LRRIQ3: variants seen among roughly 807,000 people sequenced by gnomAD.
LRRIQ3 encodes the protein leucine rich repeats and IQ motif containing 3.
Under a neutral mutation model 59.3 loss-of-function variants are expected in LRRIQ3, and 75 were observed. The ratio of observed to expected loss-of-function variants is 1.26; its 90% confidence interval spans 1.05 to 1.53. LRRIQ3 has a LOEUF of 1.53. Ranked by LOEUF, LRRIQ3 falls within the 40% of genes most tolerant of loss-of-function variation. The pLI is 0.00. For synonymous variants in LRRIQ3, 250 were observed against 231.3 expected, an observed-to-expected ratio of 1.08 and a Z score of -0.73; for missense variants, 831 against 710.0, an observed-to-expected ratio of 1.17 and a Z score of -1.94.
chr1:74,057,901 A>G (rs1229616679), intron 6 of LRRIQ3, among the ~76,000 whole-genome samples: 1 of 152,134 alleles, frequency 6.6e-6, no homozygotes, highest in Non-Finnish European at 1.5e-5. Context: ...CAACTAAAAA[A>G]TAGTCAAAAT....
At chr1:74,073,237 G>C (rs1024149266) in intron 6 of LRRIQ3, among the ~76,000 whole-genome samples, 2 of 152,042 alleles carry the variant, frequency 1.3e-5, no homozygotes, top group Non-Finnish European at 2.9e-5. Context: ...TTTTGGCCAG[G>C]CAAGGTGGCT....
chr1:74,096,379 A>G (rs138312022), intron 5 of LRRIQ3, among the ~76,000 whole-genome samples: 26 of 152,290 alleles, frequency 1.7e-4, no homozygotes, highest in African/African-American at 5.8e-4. Context: ...GAGAACCACT[A>G]TTATACAGAA....
intron 7 of LRRIQ3, among the ~76,000 whole-genome samples, chr1:74,029,086 G>C (rs1653611720): frequency 6.6e-6 from 1 of 152,090 alleles, no homozygotes; most frequent in South Asian, 2.1e-4. Flanking sequence ...CTTTGCTGAA[G>C]TTGCTTATCA....
chr1:74,060,359 C>T (rs1654687233), intron 6 of LRRIQ3, among the ~76,000 whole-genome samples: 1 of 150,870 alleles, frequency 6.6e-6, no homozygotes, highest in Non-Finnish European at 1.5e-5. Flanking sequence ...TCTTCTTCTT[C>T]CTCCTCCTCC....
chr1:74,053,177 C>CAAAAA (rs11403724), intron 6 of LRRIQ3, among the ~76,000 whole-genome samples: 4 of 100,964 alleles, frequency 4.0e-5, no homozygotes, highest in Non-Finnish European at 5.4e-5. Context: ...CTCCACATGC[C>CAAAAA]AAAAAAAAAA....
intron 6 of LRRIQ3, 121 bp from the exon 7 acceptor site, chr1:74,042,054 T>G: frequency 9.9e-7 from 1 of 1,007,622 alleles, no homozygotes; most frequent in Non-Finnish European, 1.3e-6. Context: ...GAAGAATTTT[T>G]CCCAAGTACC....
intron 6 of LRRIQ3, among the ~76,000 whole-genome samples, chr1:74,047,637 T>C (rs186891064): frequency 5.3e-5 from 8 of 152,134 alleles, no homozygotes; most frequent in African/African-American, 1.7e-4. Flanking sequence ...TCCTTCACCC[T>C]CTACCATCTG....
intron 4 of LRRIQ3, among the ~76,000 whole-genome samples, chr1:74,132,149 A>G (rs1447629472): frequency 2.0e-5 from 3 of 152,154 alleles, no homozygotes; most frequent in Admixed American, 1.3e-4. Flanking sequence ...TAAAATACCT[A>G]GGAATCCAAC....
At chr1:74,152,400 C>T (rs1051186793) in intron 4 of LRRIQ3, among the ~76,000 whole-genome samples, 1 of 151,742 alleles carries the variant, frequency 6.6e-6, no homozygotes, top group Non-Finnish European at 1.5e-5. Flanking sequence ...AATATATCTC[C>T]AGTCTAATCA....
chr1:74,145,577 T>C (rs1647519335), intron 4 of LRRIQ3, among the ~76,000 whole-genome samples: 1 of 152,112 alleles, frequency 6.6e-6, no homozygotes, highest in South Asian at 2.1e-4. Flanking sequence ...TAATCAATTA[T>C]GAAAGAAATA....
chr1:74,041,285 C>T lies in LRRIQ3; in HGVS notation c.1646G>A (p.Ser549Asn). ...EKNEAVLKEK[S>N]LIVKQKLKAE... is the part of the protein sequence containing the mutation. ...TTTTAGTTTTTGCTTAACAATCAGGCTTTTCTCTTTTAGGACAGCCTCATT... is the reference window on the plus strand; with the variant it reads ...TTTTAGTTTTTGCTTAACAATCAGGTTTTTCTCTTTTAGGACAGCCTCATT... Residue 549 changes from serine to asparagine, a missense_variant, in exon 7 of 8, where the codon AGC becomes AAC. Transcript: ENST00000354431. The T allele has an allele frequency of 1.2e-6, 2 of 1,608,526 alleles. No homozygotes were observed. The highest frequency in any genetic ancestry group is 1.3e-5 in the African/African-American group (1 of 74,708).
At chr1:74,194,597 A>C (rs1366028705) in intron 1 of LRRIQ3, among the ~76,000 whole-genome samples, 1 of 152,144 alleles carries the variant, frequency 6.6e-6, no homozygotes, top group Admixed American at 6.5e-5. Context: ...TTTTATTCCA[A>C]CTTGGAGACT....
intron 5 of LRRIQ3, among the ~76,000 whole-genome samples, chr1:74,080,517 G>T (rs1023564952): frequency 6.6e-6 from 1 of 151,628 alleles, no homozygotes; most frequent in Non-Finnish European, 1.5e-5. Flanking sequence ...TCTAGATCAA[G>T]AATAAACACT....
Position 74,026,797 on chromosome 1 carries a change from G to A in LRRIQ3, c.*16C>T, listed in dbSNP as rs1453788335. 2 of 1,579,050 alleles carry A rather than the reference G, an allele frequency of 1.3e-6. No individual in the cohort carries two copies. The highest frequency in any genetic ancestry group is 1.7e-6 in the Non-Finnish European group (2 of 1,163,592). ...CTATAATTTAAGATGATCATAGGATGTGATCTGGCATTGATTCATTTTATC... is the reference window on the plus strand; with the variant it reads ...CTATAATTTAAGATGATCATAGGATATGATCTGGCATTGATTCATTTTATC... On this transcript the variant is annotated 3_prime_UTR_variant, in exon 8 of 8. Transcript: ENST00000354431.
intron 3 of LRRIQ3, among the ~76,000 whole-genome samples, chr1:74,177,983 C>T (rs957219453): frequency 9.4e-4 from 143 of 151,958 alleles, no homozygotes; most frequent in African/African-American, 3.4e-3. Context: ...TACTATTGTG[C>T]ACATTAATGG....
At chr1:74,123,761 A>G (rs755500348) in intron 4 of LRRIQ3, among the ~76,000 whole-genome samples, 29 of 152,062 alleles carry the variant, frequency 1.9e-4, no homozygotes, top group Non-Finnish European at 2.8e-4. Context: ...TATTGCCACA[A>G]TAAACATAGG....
rs1648437593 is a variant in LRRIQ3, at chr1:74,157,912, T to C, written c.574-2046A>G. Reference sequence around the variant, plus strand: ...CTACGTAACAATATAGTCAAACTGATATCTAACTAAATACAACTTTCCCAA... The same window carrying C: ...CTACGTAACAATATAGTCAAACTGACATCTAACTAAATACAACTTTCCCAA... On this transcript the variant is annotated intron_variant, in intron 3 of 7. Coordinates refer to ENST00000354431, the MANE Select transcript of LRRIQ3 (RefSeq NM_001105659.2). 3.3e-5 allele frequency among the ~76,000 whole-genome samples: 5 copies of C among 152,262 alleles called. No individual in the cohort carries two copies. In the South Asian group the frequency reaches 8.3e-4, roughly 25 times the overall value.
At chr1:74,129,961 G>T (rs1169233212) in intron 4 of LRRIQ3, among the ~76,000 whole-genome samples, 3 of 149,680 alleles carry the variant, frequency 2.0e-5, no homozygotes, top group Admixed American at 6.7e-5. Context: ...TATCAAAGTT[G>T]CCCCCCCACC....
At chr1:74,083,485 A>C (rs747956991) in intron 5 of LRRIQ3, 1 of 151,740 alleles carries the variant, frequency 6.6e-6, no homozygotes, top group African/African-American at 2.4e-5. Context: ...CCTTAATATA[A>C]AGAAATGCCT....
Sources: allele counts gnomAD v4.1 joint callset (sites outside exome capture counted in the v4.1 genomes callset), GRCh38; gene constraint gnomAD v4.1.1; transcripts MANE v1.5; gene names NCBI Gene and HGNC (gene_info 2026-07-23, HGNC 2026-07-21).